KIAA1210: variants seen among roughly 807,000 people sequenced by gnomAD.
KIAA1210 encodes KIAA1210.
In KIAA1210, 48 loss-of-function variants were observed where a neutral mutation model predicts 78.9. The ratio of observed to expected loss-of-function variants is 0.61; its 90% confidence interval spans 0.48 to 0.77. The LOEUF (loss-of-function observed/expected upper bound fraction) is 0.77. Among genes scored for constraint, KIAA1210 ranks in the 30% least tolerant of loss-of-function variants. KIAA1210 has a pLI of 0.00. For synonymous variants in KIAA1210, 406 were observed against 404.5 expected (o/e 1.00, Z -0.04); for missense variants, 1,108 against 1,100.0 (o/e 1.01, Z -0.10).
intron 2 of KIAA1210, among the ~76,000 whole-genome samples, chrX:119,122,436 C>A (rs1371284961): frequency 8.9e-6 from 1 of 111,842 alleles, no homozygotes; most frequent in African/African-American, 3.3e-5. Flanking sequence ...TATTCTCTGG[C>A]CAGCCCTGAC....
intron 2 of KIAA1210, among the ~76,000 whole-genome samples, chrX:119,117,368 AGTGT>A (rs140314969): frequency 2.9e-5 from 3 of 103,821 alleles, no homozygotes; most frequent in Non-Finnish European, 5.9e-5. Context: ...TTTTTCAAGG[AGTGT>A]GTGTGTGTGT....
rs759769167 is a variant in KIAA1210, at chrX:119,089,754, A to G, written c.956-8T>C. ...GTTTCTGGCTTGAGGAATCTGCACC[A>G]AACAGAAATAAGGAAAGGAGAAATA... is the stretch of plus-strand genomic sequence containing the variant. On this transcript the variant is annotated splice_polypyrimidine_tract_variant and splice_region_variant and intron_variant, in intron 8 of 11. Coordinates refer to ENST00000691062, the MANE Select transcript of KIAA1210 (RefSeq NM_001394962.1). The G allele has an allele frequency of 2.5e-6, 3 of 1,180,024 alleles. No individual in the cohort carries two copies. Among genetic ancestry groups the G allele is most frequent in the Non-Finnish European group, 3.4e-6 (3 of 880,247 alleles).
At chrX:119,096,819 C>T (rs1282518731) in intron 6 of KIAA1210, 128 bp from the exon 7 acceptor site, 11 of 468,480 alleles carry the variant, frequency 2.3e-5, no homozygotes, top group Non-Finnish European at 3.5e-5. Flanking sequence ...CCCTTTCCTA[C>T]ATTTCCTGTC....
chrX:119,139,802 C>T (rs921092911), intron 2 of KIAA1210, among the ~76,000 whole-genome samples: 4 of 111,877 alleles, frequency 3.6e-5, no homozygotes, highest in African/African-American at 9.7e-5. Context: ...TAGAGAGAAT[C>T]GTGACCACAG....
intron 2 of KIAA1210, among the ~76,000 whole-genome samples, chrX:119,121,140 T>C (rs908666184): frequency 3.6e-5 from 4 of 111,434 alleles, no homozygotes; most frequent in African/African-American, 1.3e-4. Flanking sequence ...CCTAATGGAA[T>C]CTGAGATGGT....
intron 7 of KIAA1210, 103 bp downstream of exon 7, chrX:119,096,391 T>C: frequency 5.3e-6 from 4 of 760,872 alleles, no homozygotes; most frequent in Non-Finnish European, 5.6e-6. Flanking sequence ...ACTTAGGGCA[T>C]GAGTCTCCTA....
intron 8 of KIAA1210, 146 bp downstream of exon 8, chrX:119,093,518 GACA>G (rs1927454532): frequency 2.8e-6 from 1 of 355,666 alleles, no homozygotes; most frequent in Non-Finnish European, 4.8e-6. Flanking sequence ...GAGAAGCCTG[GACA>G]ACATTTTCTG....
chrX:119,125,735 A>ATATATATATATATATATATTT (rs5903546), intron 1 of KIAA1210, among the ~76,000 whole-genome samples: 1 of 15,792 alleles, frequency 6.3e-5, no homozygotes, highest in Non-Finnish European at 1.0e-4. Flanking sequence ...ATATATATAT[A>ATATATATATATATATATATTT]TTTTTTTTTT....
intron 3 of KIAA1210, 61 bp downstream of exon 3, chrX:119,116,435 C>A: frequency 1.8e-6 from 2 of 1,126,943 alleles, no homozygotes; most frequent in Non-Finnish European, 2.4e-6. Context: ...GAAAGGTGAC[C>A]TAGATCCAAC....
chrX:119,081,128 G>A lies in KIAA1210; in HGVS notation c.*201C>T, dbSNP rs1199896969. The A allele has an allele frequency of 6.9e-6, 2 of 290,184 alleles. No homozygotes were observed. Among genetic ancestry groups the A allele is most frequent in the African/African-American group, 5.6e-5 (2 of 35,480 alleles). 23.9% of individuals were successfully genotyped at this position (290,184 alleles called of 1,213,427 possible). A position where few individuals can be genotyped will look rare whatever the true frequency, so the allele number is the denominator to read the frequency against. ...AATACGAAAACAAAATTAGCCGGGC[G>A]TGATGGCGGGCGCCTGTAGTCCCAG... On this transcript the variant is annotated 3_prime_UTR_variant, in exon 12 of 12. Transcript: ENST00000691062.
At chrX:119,084,018 A>AG (rs1372410351) in intron 10 of KIAA1210, among the ~76,000 whole-genome samples, 12 of 107,021 alleles carry the variant, frequency 1.1e-4, no homozygotes, top group African/African-American at 4.1e-4. Flanking sequence ...AAAAAAAAAA[A>AG]AAAAAAAAAG....
intron 8 of KIAA1210, among the ~76,000 whole-genome samples, chrX:119,092,800 T>TAAATAAATAAATAAAA (rs10680347): frequency 3.7e-5 from 4 of 107,269 alleles, no homozygotes; most frequent in African/African-American, 1.4e-4. Flanking sequence ...AATAAATAAA[T>TAAATAAATAAATAAAA]AAAAATAAAG....
chrX:119,114,571 C>A (rs1315375044), intron 3 of KIAA1210, among the ~76,000 whole-genome samples: 1 of 112,516 alleles, frequency 8.9e-6, no homozygotes, highest in African/African-American at 3.2e-5. Flanking sequence ...GCTCTATGAT[C>A]TACTGGCTCA....
At chrX:119,144,054 G>T (rs35990155) in intron 2 of KIAA1210, among the ~76,000 whole-genome samples, 3,543 of 112,502 alleles carry the variant, frequency 0.031, 126 homozygotes, top group African/African-American at 0.11. Flanking sequence ...CCGTTGGGAA[G>T]TATGGCCTTT....
rs746732956 is a variant in KIAA1210 at position 119,089,205 on chromosome X, G to C, written c.1497C>G (p.Ser499Arg). ...TGGCCTCCTCTTGGGTTGTAGAAAGGCTTTCCACCATCAGTGAGAGAGAAG... is the reference window on the plus strand; with the variant it reads ...TGGCCTCCTCTTGGGTTGTAGAAAGCCTTTCCACCATCAGTGAGAGAGAAG... Reference protein sequence around the residue: ...ARASLSLMVESLSTTQEEAIL... With the variant: ...ARASLSLMVERLSTTQEEAIL... The change falls in exon 9 of 12, where the codon AGC becomes AGG. Residue 499 changes from serine (S) to arginine (R), a missense_variant. This residue lies in a region of KIAA1210 where 672 missense variants were observed against 607.1 expected (regional missense o/e 1.11). Transcript: ENST00000691062. The C allele has an allele frequency of 3.6e-5, 44 of 1,209,417 alleles. No individual in the cohort carries two copies. The highest frequency in any genetic ancestry group is 4.6e-5 in the Non-Finnish European group (41 of 894,860).
chrX:119,134,241 GC>G (rs1174256240), intron 2 of KIAA1210, among the ~76,000 whole-genome samples: 1 of 111,077 alleles, frequency 9.0e-6, no homozygotes, highest in Admixed American at 9.5e-5. Flanking sequence ...GCCTTTCTGT[GC>G]CTGCCTTATT....
chrX:119,093,631 A>G lies in KIAA1210; in HGVS notation c.955+36T>C, dbSNP rs748527057. On this transcript the variant is annotated intron_variant, in intron 8 of 11. Coordinates refer to ENST00000691062, the MANE Select transcript of KIAA1210 (RefSeq NM_001394962.1). ...ATAGCACTGTGCAATGAAGTCTGTC[A>G]TACATGTTTCTGGGTGAGGGTGAAG... 7 of 1,057,481 alleles carry G rather than the reference A, an allele frequency of 6.6e-6. No individual in the cohort carries two copies. In the East Asian group the frequency reaches 1.5e-4, roughly 23 times the overall value. 87.1% of individuals were successfully genotyped at this position (1,057,481 alleles called of 1,213,427 possible). A position where few individuals can be genotyped will look rare whatever the true frequency, so the allele number is the denominator to read the frequency against.
intron 4 of KIAA1210, among the ~76,000 whole-genome samples, chrX:119,108,690 C>T (rs749065764): frequency 2.7e-5 from 3 of 109,582 alleles, no homozygotes; most frequent in Non-Finnish European, 5.7e-5. Context: ...CATGGTGAAA[C>T]CCTGTCTCCA....
chrX:119,093,907 C>T, intron 7 of KIAA1210, 132 bp from the exon 8 acceptor site: 7 of 877,427 alleles, frequency 8.0e-6, no homozygotes, highest in Middle Eastern at 5.7e-4. Flanking sequence ...TAAAGATGGA[C>T]GTTATTTCAA....
Sources: allele counts gnomAD v4.1 joint callset (sites outside exome capture counted in the v4.1 genomes callset), GRCh38; gene constraint gnomAD v4.1.1; regional missense constraint gnomAD v4.1.1; transcripts MANE v1.5; gene names NCBI Gene and HGNC (gene_info 2026-07-23, HGNC 2026-07-21).